The following PCDHGA2 variants were observed in gnomAD, a reference collection of about 807,000 sequenced individuals.
PCDHGA2 encodes protocadherin gamma-A2.
Under a neutral mutation model 59.2 loss-of-function variants are expected in PCDHGA2, and 40 were observed. The ratio of observed to expected loss-of-function variants is 0.68; its 90% CI spans 0.52 to 0.88. PCDHGA2 has a LOEUF of 0.88. PCDHGA2 is among the 40% of genes least tolerant of loss of function. The pLI is 0.00. For missense variants in PCDHGA2, 1,226 were observed against 1,204.0 expected (o/e 1.02, Z -0.27); for synonymous variants, 560 against 526.0 (o/e 1.06, Z -0.89).
chr5:141,346,375 G>A (rs1245459936), intron 1 of PCDHGA2: 1 of 1,614,250 alleles, frequency 6.2e-7, no homozygotes, highest in East Asian at 2.2e-5. Context: ...ACGCTCATCA[G>A]CCAGGAGAGC....
At chr5:141,443,662 C>A (rs1427397469) in intron 1 of PCDHGA2, among the ~76,000 whole-genome samples, 2 of 152,178 alleles carry the variant, frequency 1.3e-5, no homozygotes, top group African/African-American at 4.8e-5. Context: ...TAGCATTTTA[C>A]TGAACTAGTA....
At chr5:141,345,752 T>G (rs768879399) in intron 1 of PCDHGA2, 5 of 1,614,166 alleles carry the variant, frequency 3.1e-6, no homozygotes, top group South Asian at 2.2e-5. Context: ...ACGGTTCCAC[T>G]GGCGTGGAGC....
chr5:141,471,568 A>G (rs947450908), intron 1 of PCDHGA2: 3 of 152,214 alleles, frequency 2.0e-5, no homozygotes, highest in Non-Finnish European at 2.9e-5. Context: ...CAGGGGTAGC[A>G]GTAGATAGGG....
At chr5:141,438,249 A>G (rs1166079222) in intron 1 of PCDHGA2, among the ~76,000 whole-genome samples, 2 of 152,168 alleles carry the variant, frequency 1.3e-5, no homozygotes, top group Non-Finnish European at 2.9e-5. Context: ...AAAAACTGTC[A>G]TTGAAGAGAC....
intron 1 of PCDHGA2, chr5:141,421,025 A>G: frequency 5.7e-6 from 3 of 526,286 alleles, no homozygotes; most frequent in East Asian, 3.2e-5. Context: ...GCTGCGCGCC[A>G]TTGAGTCCCT....
In PCDHGA2 at chr5:141,418,980, A is replaced by G; in HGVS notation, c.2425-75827A>G. 1 of 1,614,004 alleles carries G rather than the reference A, an allele frequency of 6.2e-7. No individual in the cohort carries two copies. ...GTTGCCCTCTTCAAAACACGGGACC[A>G]AGACTCAGGGGAAAATGGGGAAGTC... On this transcript the variant is annotated intron_variant, in intron 1 of 3. Transcript: ENST00000394576.
intron 1 of PCDHGA2, chr5:141,357,257 A>G (rs1239209097): frequency 6.2e-7 from 1 of 1,612,430 alleles, no homozygotes; most frequent in Non-Finnish European, 8.5e-7. Flanking sequence ...GACCCAGACG[A>G]CTCGGGCCTC....
chr5:141,466,148 G>A (rs1201643685), intron 1 of PCDHGA2, among the ~76,000 whole-genome samples: 1 of 151,814 alleles, frequency 6.6e-6, no homozygotes, highest in Non-Finnish European at 1.5e-5. Flanking sequence ...GAAAACTCTG[G>A]TCTTAAACTG....
chr5:141,431,502 G>A lies in PCDHGA2; in HGVS notation c.2425-63305G>A, dbSNP rs749812839. ...CCAGCGTTTGCTCAGCCCGAGTACC[G>A]CGCGAGCGTTCCGGAGAATCTGGCC... On this transcript the variant is annotated intron_variant, in intron 1 of 3. Coordinates refer to ENST00000394576, the MANE Select transcript of PCDHGA2 (RefSeq NM_018915.4). This position sits in a 1 kb window ranked among gnomAD's most constrained non-coding sequence, Gnocchi z 4.8. 6 of 1,614,008 alleles carry A rather than the reference G, an allele frequency of 3.7e-6. No homozygotes were observed. In the East Asian group the frequency reaches 6.7e-5, roughly 18 times the overall value.
intron 1 of PCDHGA2, chr5:141,413,577 T>C (rs752007520): frequency 2.5e-6 from 4 of 1,613,836 alleles, no homozygotes; most frequent in Non-Finnish European, 3.4e-6. Context: ...ATGACAATGC[T>C]CCAAAATTCC....
chr5:141,376,307 G>A, intron 1 of PCDHGA2: 1 of 1,614,192 alleles, frequency 6.2e-7, no homozygotes, highest in East Asian at 2.2e-5. Context: ...GCACTTTGTG[G>A]GCGTGGAAGG....
chr5:141,345,022 G>C (rs764710272), intron 1 of PCDHGA2: 4 of 1,613,788 alleles, frequency 2.5e-6, no homozygotes, highest in African/African-American at 2.7e-5. Context: ...CTTCTTTCAA[G>C]AGCCAAGATT....
intron 1 of PCDHGA2, chr5:141,350,559 C>T (rs1009044240): frequency 1.2e-6 from 2 of 1,614,004 alleles, no homozygotes; most frequent in Non-Finnish European, 1.7e-6. Flanking sequence ...CTTGAGTGTG[C>T]ACTAGAATTC....
intron 1 of PCDHGA2, chr5:141,356,007 A>T: frequency 6.2e-7 from 1 of 1,613,952 alleles, no homozygotes; most frequent in Non-Finnish European, 8.5e-7. Context: ...CCACTGATCC[A>T]GATGAAGGAG....
chr5:141,358,677 G>T (rs1034495603), intron 1 of PCDHGA2, among the ~76,000 whole-genome samples: 2 of 152,088 alleles, frequency 1.3e-5, no homozygotes, highest in Non-Finnish European at 1.5e-5. Context: ...TTTTTAAATT[G>T]CTTATCATGA....
At chr5:141,449,948 C>T (rs1294423807) in intron 1 of PCDHGA2, among the ~76,000 whole-genome samples, 1 of 151,034 alleles carries the variant, frequency 6.6e-6, no homozygotes, top group Non-Finnish European at 1.5e-5. Context: ...TTTTACTATA[C>T]CTCATAGTAA....
intron 1 of PCDHGA2, chr5:141,371,721 C>A: frequency 6.2e-7 from 1 of 1,614,084 alleles, no homozygotes; most frequent in Non-Finnish European, 8.5e-7. Flanking sequence ...TCTGCACATC[C>A]TTGATGTCAA....
At chr5:141,347,933 A>C (rs1758039428) in intron 1 of PCDHGA2, among the ~76,000 whole-genome samples, 1 of 152,198 alleles carries the variant, frequency 6.6e-6, no homozygotes, top group Admixed American at 6.5e-5. Context: ...AATTATTATG[A>C]GCCTTGGAGT....
intron 1 of PCDHGA2, chr5:141,371,272 A>G (rs750507837): frequency 1.9e-6 from 3 of 1,614,026 alleles, no homozygotes; most frequent in Admixed American, 1.7e-5. Context: ...CAACTGTTCA[A>G]GCTGGACAGT....
Sources: gnomAD v4.1 joint callset for allele counts (sites outside exome capture counted in the v4.1 genomes callset) on GRCh38, gnomAD v4.1.1 for gene constraint, Gnocchi (gnomAD v3.1) non-coding constraint, MANE v1.5 for transcripts, NCBI Gene and HGNC (gene_info 2026-07-23, HGNC 2026-07-21) for gene names.